The following UBR1 variants were observed in gnomAD, a reference collection of about 807,000 sequenced individuals.
UBR1 encodes the protein E3 ubiquitin-protein ligase UBR1.
A neutral mutation model predicts 242.1 loss-of-function variants in UBR1; 102 were observed. That is an observed-to-expected ratio of 0.42 (90% confidence interval 0.36 to 0.50). UBR1 has a LOEUF of 0.50. Ranked by LOEUF, UBR1 falls within the 20% of genes least tolerant of loss-of-function variation. The pLI is 0.01. For synonymous variants in UBR1, 675 were observed against 684.8 expected, an observed-to-expected ratio of 0.99 and a Z score of 0.22; for missense variants, 1,772 against 2,101.8, an observed-to-expected ratio of 0.84 and a Z score of 3.07.
intron 19 of UBR1, among the ~76,000 whole-genome samples, chr15:43,033,344 C>G (rs1386687846): frequency 6.6e-6 from 1 of 152,066 alleles, no homozygotes; most frequent in Non-Finnish European, 1.5e-5. Context: ...AATCTCGTCT[C>G]CACTAAAAAT....
chr15:43,055,036 TCA>T (rs1165554901), intron 11 of UBR1, 137 bp from the exon 12 acceptor site: 6 of 1,048,562 alleles, frequency 5.7e-6, no homozygotes, highest in Non-Finnish European at 8.4e-6. Flanking sequence ...GTCCTTAGTT[TCA>T]CTGAATAGCA....
intron 6 of UBR1, among the ~76,000 whole-genome samples, chr15:43,063,364 A>T (rs1396599367): frequency 6.6e-6 from 1 of 152,242 alleles, no homozygotes; most frequent in African/African-American, 2.4e-5. Flanking sequence ...CTCCTGGGAC[A>T]CTGGTTTATC....
intron 1 of UBR1, among the ~76,000 whole-genome samples, chr15:43,103,631 GA>G (rs1466748664): frequency 6.6e-6 from 1 of 152,140 alleles, no homozygotes; most frequent in African/African-American, 2.4e-5. Context: ...ATAATGTTAG[GA>G]ATACTACAGC....
chr15:43,042,275 A>C (rs1009832983), intron 15 of UBR1, among the ~76,000 whole-genome samples: 5 of 152,206 alleles, frequency 3.3e-5, no homozygotes, highest in Non-Finnish European at 5.9e-5. Context: ...AGGTAGAAGC[A>C]ACCCAAGTGT....
At chr15:42,969,121 T>C (rs1223068948) in intron 40 of UBR1, among the ~76,000 whole-genome samples, 3 of 152,238 alleles carry the variant, frequency 2.0e-5, no homozygotes, top group Non-Finnish European at 2.9e-5. Flanking sequence ...TGAACTAATT[T>C]ACACTCCCAC....
Position 42,976,703 on chromosome 15 carries a change from G to C in UBR1, c.4369+14C>G, listed in dbSNP as rs763514646. 2 of 1,613,926 alleles carry C rather than the reference G, an allele frequency of 1.2e-6. No individual in the cohort carries two copies. The highest frequency in any genetic ancestry group is 1.7e-5 in the Admixed American group (1 of 60,012). On this transcript the variant is annotated intron_variant, in intron 39 of 46. Coordinates refer to ENST00000290650, the MANE Select transcript of UBR1 (RefSeq NM_174916.3). ...AAATGTTATTCACAGTCAACACCCA[G>C]ATGAAAACCTTACCTGTGTCTACTG...
chr15:43,090,181 G>C (rs1472203346), intron 1 of UBR1, among the ~76,000 whole-genome samples: 3 of 152,120 alleles, frequency 2.0e-5, no homozygotes, highest in Non-Finnish European at 4.4e-5. Context: ...TACTAATATG[G>C]AAAGGCATTA....
chr15:42,958,024 A>C lies in UBR1; in HGVS notation c.4824T>G (p.Ala1608=), dbSNP rs2031952010. The part of the protein sequence containing the change: ...PDDYSCLLNQ[A]SHFRCPRSAD... ...CACACTCTCCTTACCTGAAATGAGA[A>C]GCTTGATTCAGGAGGCAGCTATAGT... Residue 1608 remains alanine, a synonymous_variant, in exon 44 of 47, where the codon GCT becomes GCG. Coordinates refer to ENST00000290650, the MANE Select transcript of UBR1 (RefSeq NM_174916.3). 1 of 1,612,714 alleles carries C rather than the reference A, an allele frequency of 6.2e-7. No individual in the cohort carries two copies. The highest frequency in any genetic ancestry group is 8.5e-7 in the Non-Finnish European group (1 of 1,179,246).
At position 43,036,214 on chromosome 15, in the gene UBR1, G is replaced by C. The variant is rs757644708; in HGVS notation, c.2154C>G (p.Ala718=). 6.2e-7 allele frequency: 1 copy of C among 1,613,626 alleles called. No individual in the cohort carries two copies. Among genetic ancestry groups the C allele is most frequent in the African/African-American group, 1.3e-5 (1 of 74,992 alleles). The part of the protein sequence containing the change: ...LLLVLQRYEL[A]EAFNKTISTK... The stretch of plus-strand genomic sequence containing the variant: ...TAGATATGGTCTTGTTAAAAGCCTC[G>C]GCAAGTTCATACCTCTGAAGTACCA... The change falls in exon 19 of 47, where the codon GCC becomes GCG. Residue 718 remains alanine, a synonymous_variant. Transcript: ENST00000290650.
At chr15:43,003,996 A>T in intron 30 of UBR1, 66 bp from the exon 31 acceptor site, 1 of 1,407,516 alleles carries the variant, frequency 7.1e-7, no homozygotes, top group Non-Finnish European at 1.0e-6. Context: ...TCTAATCACA[A>T]ACTGTCTTAG....
chr15:42,963,665 AC>A (rs1224545206), intron 42 of UBR1, among the ~76,000 whole-genome samples: 3 of 78,198 alleles, frequency 3.8e-5, no homozygotes, highest in Non-Finnish European at 6.8e-5. Context: ...CAAAATCCCC[AC>A]CCCCCACCCC....
In UBR1 at chr15:43,060,063, C is replaced by G. The variant is rs747313563; in HGVS notation, c.850G>C (p.Glu284Gln). ...GAYAACQEAK[E>Q]DIKSHSENVS... ...ATTCAGAAAGTTACCTTTATATCTT[C>G]CTTTGCTTCCTGGCAAGCAGCATAA... is the stretch of plus-strand genomic sequence containing the variant. The change falls in exon 7 of 47, where the codon GAA becomes CAA. Residue 284 changes from glutamate to glutamine, a missense_variant. Physicochemically the swap from Glu to Gln is conservative, Grantham distance 29. Around this residue, in one of 3 missense-constraint regions of UBR1, gnomAD observed 734 missense variants for 893.3 expected, o/e 0.82. Coordinates refer to ENST00000290650, the MANE Select transcript of UBR1 (RefSeq NM_174916.3). 2.1e-5 allele frequency: 34 copies of G among 1,614,098 alleles called. No individual in the cohort carries two copies. The Middle Eastern group carries it at 1.2e-3, about 55-fold the overall frequency.
At chr15:42,987,132 C>A (rs2141274668) in intron 35 of UBR1, among the ~76,000 whole-genome samples, 1 of 152,344 alleles carries the variant, frequency 6.6e-6, no homozygotes, top group East Asian at 1.9e-4. Flanking sequence ...ATGGTCACGG[C>A]CTAGCCACAG....
chr15:42,970,682 C>T (rs2032190104), intron 39 of UBR1, 75 bp from the exon 40 acceptor site: 4 of 1,343,606 alleles, frequency 3.0e-6, no homozygotes, highest in African/African-American at 2.9e-5. Context: ...TTTCATTGTT[C>T]CAAGACAATA....
In UBR1 at chr15:43,007,269, A is replaced by C. The variant is rs141543407; in HGVS notation, c.3225T>G (p.Ser1075Arg). The C allele has an allele frequency of 2.1e-4, 338 of 1,614,040 alleles. No homozygotes were observed. Among genetic ancestry groups the C allele is most frequent in the Non-Finnish European group, 2.8e-4 (329 of 1,180,024 alleles). Reference sequence around the variant, plus strand: ...GACCCAAAGCAATTCTAGAGTAGTCACTGACTGCTGGGGTGCTACCAAAAG... The same window carrying C: ...GACCCAAAGCAATTCTAGAGTAGTCCCTGACTGCTGGGGTGCTACCAAAAG... ...IMEEESTPAV[S>R]DYSRIALGPK... The change falls in exon 30 of 47, where the codon AGT becomes AGG. Residue 1075 changes from serine to arginine, a missense_variant. Coordinates refer to ENST00000290650, the MANE Select transcript of UBR1 (RefSeq NM_174916.3).
At chr15:42,992,514 GTGTT>G (rs1259068023) in intron 33 of UBR1, among the ~76,000 whole-genome samples, 5 of 152,314 alleles carry the variant, frequency 3.3e-5, no homozygotes, top group African/African-American at 1.2e-4. Flanking sequence ...CTGTGCTGTG[GTGTT>G]TTGATCTGCC....
chr15:43,092,547 CTTTGTGTATAGAATTT>C, intron 1 of UBR1, among the ~76,000 whole-genome samples: 1 of 152,032 alleles, frequency 6.6e-6, no homozygotes. Context: ...CCTTCTATAA[CTTTGTGTATAGAATTT>C]TTTTTTTCTA....
chr15:42,991,120 C>T (rs1038663017), intron 33 of UBR1, among the ~76,000 whole-genome samples: 10 of 151,784 alleles, frequency 6.6e-5, no homozygotes, highest in African/African-American at 2.4e-4. Flanking sequence ...ACTAAAAATA[C>T]AAAAAATTAG....
intron 29 of UBR1, among the ~76,000 whole-genome samples, chr15:43,014,013 C>T (rs1046508539): frequency 2.0e-5 from 3 of 152,256 alleles, no homozygotes; most frequent in Admixed American, 2.0e-4. Flanking sequence ...TGCAGAGTGC[C>T]TGCGATTGCA....
Sources: allele counts gnomAD v4.1 joint callset (sites outside exome capture counted in the v4.1 genomes callset), GRCh38; gene constraint gnomAD v4.1.1; regional missense constraint gnomAD v4.1.1; transcripts MANE v1.5; gene names NCBI Gene and HGNC (gene_info 2026-07-23, HGNC 2026-07-21).